The following RASSF8 variants were observed in gnomAD, a reference collection of about 807,000 sequenced individuals.
RASSF8 encodes the protein Ras association domain family member 8, also known as ras association domain-containing protein 8.
RASSF8 carries 22 observed loss-of-function variants against 48.5 expected under a neutral mutation model. That is an observed-to-expected ratio of 0.45 (90% CI 0.32 to 0.65). The LOEUF (loss-of-function observed/expected upper bound fraction) is 0.65. Among genes scored for constraint, RASSF8 ranks in the 30% least tolerant of loss-of-function variants. The probability of loss-of-function intolerance (pLI) is 0.03; values close to 1 mark genes in which losing one functional copy is unlikely to be tolerated. For missense variants in RASSF8, 418 were observed against 489.2 expected, an observed-to-expected ratio of 0.85 and a Z score of 1.37; for synonymous variants, 127 against 171.5, an observed-to-expected ratio of 0.74 and a Z score of 2.03.
chr12:26,034,526 A>G (rs572042009), intron 2 of RASSF8, among the ~76,000 whole-genome samples: 6 of 152,176 alleles, frequency 3.9e-5, no homozygotes, highest in Non-Finnish European at 7.3e-5. Flanking sequence ...AGCTTGATCT[A>G]GGATTTCTAT....
intron 2 of RASSF8, among the ~76,000 whole-genome samples, chr12:26,002,933 T>C (rs1942296123): frequency 1.3e-5 from 2 of 152,324 alleles, no homozygotes; most frequent in South Asian, 2.1e-4. Flanking sequence ...TTTTAGCACA[T>C]TGTATTATTG....
At chr12:26,067,821 A>G in intron 5 of RASSF8, 108 bp downstream of exon 5, 2 of 1,411,340 alleles carry the variant, frequency 1.4e-6, no homozygotes, top group South Asian at 1.3e-5. Context: ...CTGGAATGCC[A>G]GGGGTATTAC....
chr12:26,060,007 C>T (rs1390621138), intron 3 of RASSF8, among the ~76,000 whole-genome samples: 14 of 152,322 alleles, frequency 9.2e-5, no homozygotes, highest in Admixed American at 1.3e-4. Flanking sequence ...ACACCATTCT[C>T]CTGCCTCAGC....
intron 5 of RASSF8, 131 bp from the exon 6 acceptor site, chr12:26,068,566 G>T (rs1943932870): frequency 1.4e-6 from 1 of 701,082 alleles, no homozygotes; most frequent in East Asian, 2.7e-5. Context: ...CCAGCCCAGG[G>T]CACACAGGGG....
chr12:26,012,568 T>C (rs949173352), intron 2 of RASSF8, among the ~76,000 whole-genome samples: 14 of 152,202 alleles, frequency 9.2e-5, no homozygotes, highest in Non-Finnish European at 1.5e-5. Flanking sequence ...ATCCATATAT[T>C]ATTTATATCA....
At chr12:26,036,369 T>C (rs1372427558) in intron 2 of RASSF8, among the ~76,000 whole-genome samples, 3 of 152,194 alleles carry the variant, frequency 2.0e-5, no homozygotes, top group Admixed American at 6.5e-5. Flanking sequence ...GAAAAATTCT[T>C]ACCAAGGAAT....
chr12:26,079,702 A>G (rs976203786), exon 6 of RASSF8: 5 of 152,200 alleles, frequency 3.3e-5, no homozygotes, highest in African/African-American at 9.7e-5. Flanking sequence ...CAAAGCCACA[A>G]TGAGATACCA....
chr12:25,992,795 T>C (rs1942044957), intron 1 of RASSF8, among the ~76,000 whole-genome samples: 2 of 152,198 alleles, frequency 1.3e-5, no homozygotes, highest in Admixed American at 1.3e-4. Flanking sequence ...CACTTAAGCC[T>C]CTTGTTTCTC....
chr12:26,072,663 C>T lies in RASSF8; in HGVS notation c.*3845C>T, dbSNP rs565200614. On this transcript the variant is annotated 3_prime_UTR_variant, in exon 6 of 6. Transcript: ENST00000689635. Reference sequence around the variant, plus strand: ...TGCTGCAGCTTTAAACAGAAAATTGCCATGTTCACTAATTGTGAGCACATA... The same window carrying T: ...TGCTGCAGCTTTAAACAGAAAATTGTCATGTTCACTAATTGTGAGCACATA... 5.1e-6 allele frequency: 5 copies of T among 984,910 alleles called. No homozygotes were observed. Among genetic ancestry groups the T allele is most frequent in the African/African-American group, 3.5e-5 (2 of 57,312 alleles). The allele number at this position is 984,910 out of a possible 1,614,324, so 61.0% of individuals were successfully genotyped here. A position where few individuals can be genotyped will look rare whatever the true frequency, so the allele number is the denominator to read the frequency against.
In RASSF8 at chr12:26,072,800, T is replaced by C. The variant is rs905163153; in HGVS notation, c.*3982T>C. 1.1e-6 allele frequency: 1 copy of C among 919,470 alleles called. No individual in the cohort carries two copies. Among genetic ancestry groups the C allele is most frequent in the Non-Finnish European group, 1.3e-6 (1 of 770,024 alleles). 57.0% of individuals were successfully genotyped at this position (919,470 alleles called of 1,614,324 possible). On this transcript the variant is annotated 3_prime_UTR_variant, in exon 6 of 6. Coordinates refer to ENST00000689635, the MANE Select transcript of RASSF8 (RefSeq NM_001394098.1). Reference sequence around the variant, plus strand: ...TTAAATGTATATTTTCTGATCATTATGAGCTGTAAAACAAAGAATCAATAT... The same window carrying C: ...TTAAATGTATATTTTCTGATCATTACGAGCTGTAAAACAAAGAATCAATAT...
At chr12:26,022,107 A>G (rs1219579571) in intron 2 of RASSF8, among the ~76,000 whole-genome samples, 2 of 152,210 alleles carry the variant, frequency 1.3e-5, no homozygotes, top group African/African-American at 4.8e-5. Flanking sequence ...CTGTGAAACA[A>G]TTTATACTCT....
chr12:26,005,878 G>A (rs1365930022), intron 2 of RASSF8, among the ~76,000 whole-genome samples: 1 of 152,140 alleles, frequency 6.6e-6, no homozygotes, highest in Non-Finnish European at 1.5e-5. Flanking sequence ...TTCAATACTT[G>A]TGACAGTTTC....
chr12:26,075,681 C>G (rs1017884411), downstream of RASSF8, among the ~76,000 whole-genome samples: 2 of 152,178 alleles, frequency 1.3e-5, no homozygotes, highest in African/African-American at 4.8e-5. Flanking sequence ...TTACAAGTCT[C>G]CTGCAATGCT....
In RASSF8 at chr12:26,063,913, G is replaced by A. The variant is rs563352071; in HGVS notation, c.104-585G>A. Reference sequence around the variant, plus strand: ...TGTCAGCTGTGTGAGCGATGGGTTGGTGGAGCACTCAGGTGGAGATGGAGA... The same window carrying A: ...TGTCAGCTGTGTGAGCGATGGGTTGATGGAGCACTCAGGTGGAGATGGAGA... On this transcript the variant is annotated intron_variant, in intron 3 of 5. Coordinates refer to ENST00000689635, the MANE Select transcript of RASSF8 (RefSeq NM_001394098.1). Among the ~76,000 whole-genome samples the A allele has an allele frequency of 3.9e-5, 6 of 152,226 alleles. 1 individual carries two copies. The highest frequency in any genetic ancestry group is 1.3e-4 in the Admixed American group (2 of 15,272).
downstream of RASSF8, among the ~76,000 whole-genome samples, chr12:26,073,954 A>G (rs61915669): frequency 0.1 from 15,591 of 151,766 alleles, 1,072 homozygotes; most frequent in African/African-American, 0.2. Context: ...TCCCATCTAT[A>G]TATATAGAGA....
chr12:26,061,038 A>C (rs151090984), intron 3 of RASSF8, among the ~76,000 whole-genome samples: 273 of 152,288 alleles, frequency 1.8e-3, no homozygotes, highest in African/African-American at 6.4e-3. Context: ...GTTTAGTAGA[A>C]TCTATTTCTC....
chr12:26,016,715 A>G (rs1942659671), intron 2 of RASSF8, among the ~76,000 whole-genome samples: 2 of 152,132 alleles, frequency 1.3e-5, no homozygotes, highest in East Asian at 1.9e-4. Context: ...ACGTCAGTCC[A>G]TTTCATAAGG....
At chr12:26,022,425 T>G (rs1469651804) in intron 2 of RASSF8, among the ~76,000 whole-genome samples, 1 of 152,110 alleles carries the variant, frequency 6.6e-6, no homozygotes, top group Non-Finnish European at 1.5e-5. Flanking sequence ...ATACATTACC[T>G]AAAATGTCCA....
intron 3 of RASSF8, among the ~76,000 whole-genome samples, chr12:26,059,427 A>G (rs1943690561): frequency 6.6e-6 from 1 of 152,236 alleles, no homozygotes; most frequent in Admixed American, 6.5e-5. Context: ...CTACATTTAT[A>G]AAGTAATATT....
Sources: allele counts gnomAD v4.1 joint callset (sites outside exome capture counted in the v4.1 genomes callset), GRCh38; gene constraint gnomAD v4.1.1; transcripts MANE v1.5; gene names NCBI Gene and HGNC (gene_info 2026-07-23, HGNC 2026-07-21).